The following FIP1L1 variants were observed in gnomAD, a reference collection of about 807,000 sequenced individuals.
FIP1L1 encodes the protein factor interacting with PAPOLA and CPSF1.
Under a neutral mutation model 84.6 loss-of-function variants are expected in FIP1L1, and 21 were observed. The ratio of observed to expected loss-of-function variants is 0.25; its 90% CI spans 0.18 to 0.36. The LOEUF is 0.36. Ranked by LOEUF, FIP1L1 falls within the 10% of genes least tolerant of loss-of-function variation. The pLI is 1.00. For synonymous variants in FIP1L1, 263 were observed against 242.3 expected, an observed-to-expected ratio of 1.09 and a Z score of -0.80; for missense variants, 526 against 751.1, an observed-to-expected ratio of 0.70 and a Z score of 3.50.
intron 16 of FIP1L1, among the ~76,000 whole-genome samples, chr4:53,454,664 C>A (rs1223576265): frequency 1.3e-5 from 2 of 152,058 alleles, no homozygotes; most frequent in Admixed American, 1.3e-4. Flanking sequence ...TACCATAATT[C>A]TAAGTCGATT....
chr4:53,383,763 G>C lies in FIP1L1; in HGVS notation c.229-10G>C, dbSNP rs1242829076. 7 of 1,597,674 alleles carry C rather than the reference G, an allele frequency of 4.4e-6. No homozygotes were observed. The highest frequency in any genetic ancestry group is 6.0e-6 in the Non-Finnish European group (7 of 1,168,872). On this transcript the variant is annotated splice_polypyrimidine_tract_variant and intron_variant, in intron 4 of 17. Coordinates refer to ENST00000337488, the MANE Select transcript of FIP1L1 (RefSeq NM_030917.4). The stretch of plus-strand genomic sequence containing the variant: ...TGAATGTATTTTATAATTTGTTTAT[G>C]TTCATGTAGAAAGTGACTGAGACCG...
chr4:53,390,375 A>G (rs1743604827), intron 6 of FIP1L1, 146 bp from the exon 7 acceptor site: 2 of 532,768 alleles, frequency 3.8e-6, no homozygotes, highest in Non-Finnish European at 6.5e-6. Context: ...GTTTTTTGCC[A>G]GGAATAGTAA....
In FIP1L1 at chr4:53,383,784, G is replaced by A. The variant is rs1739384771; in HGVS notation, c.240G>A (p.Glu80=). 6.2e-7 allele frequency: 1 copy of A among 1,609,282 alleles called. No homozygotes were observed. The highest frequency in any genetic ancestry group is 1.3e-5 in the African/African-American group (1 of 74,808). Residue 80 remains glutamate, a synonymous_variant, in exon 5 of 18, where the codon GAG becomes GAA. Transcript: ENST00000337488. ...ENGVPKPKVT[E]TEDDSDSDSD... ...TTATGTTCATGTAGAAAGTGACTGAGACCGAAGATGATAGTGATAGTGACA... is the reference window on the plus strand; with the variant it reads ...TTATGTTCATGTAGAAAGTGACTGAAACCGAAGATGATAGTGATAGTGACA...
chr4:53,439,949 A>G (rs1475462484), intron 13 of FIP1L1, among the ~76,000 whole-genome samples: 1 of 152,026 alleles, frequency 6.6e-6, no homozygotes, highest in Admixed American at 6.5e-5. Flanking sequence ...GAGTCACTCA[A>G]ATTAATATTT....
intron 5 of FIP1L1, among the ~76,000 whole-genome samples, chr4:53,385,059 CAG>C (rs1740198505): frequency 6.6e-6 from 1 of 152,044 alleles, no homozygotes; most frequent in Non-Finnish European, 1.5e-5. Flanking sequence ...TTTTAGGGAA[CAG>C]AGTAAAGAGG....
chr4:53,403,985 A>C (rs1751664470), intron 10 of FIP1L1, among the ~76,000 whole-genome samples: 1 of 147,690 alleles, frequency 6.8e-6, no homozygotes, highest in African/African-American at 2.5e-5. Flanking sequence ...TGAGCTGGTC[A>C]TCTCCAGTCA....
At chr4:53,432,030 AGAAG>A (rs939175730) in intron 13 of FIP1L1, among the ~76,000 whole-genome samples, 209 of 152,248 alleles carry the variant, frequency 1.4e-3, no homozygotes, top group African/African-American at 5.0e-3. Context: ...AATACAACAA[AGAAG>A]GAAGAGATGT....
Position 53,391,111 on chromosome 4 carries a change from C to T in FIP1L1, c.608C>T (p.Pro203Leu). ...ATACGAATGGGACTTGAAGTTATAC[C>T]AGTAACCTCTACTACAAATAAAATT... ...KRIRMGLEVI[P>L]VTSTTNKITA... is the part of the protein sequence containing the mutation. Residue 203 changes from proline to leucine, a missense_variant, in exon 8 of 18, where the codon CCA becomes CTA. Physicochemically the swap from Pro to Leu is moderately conservative, Grantham distance 98 (BLOSUM62 -3). Coordinates refer to ENST00000337488, the MANE Select transcript of FIP1L1 (RefSeq NM_030917.4). 1 of 1,609,718 alleles carries T rather than the reference C, an allele frequency of 6.2e-7. No homozygotes were observed. Among genetic ancestry groups the T allele is most frequent in the Non-Finnish European group, 8.5e-7 (1 of 1,178,496 alleles).
At chr4:53,413,594 T>C (rs1758135166) in intron 10 of FIP1L1, among the ~76,000 whole-genome samples, 1 of 152,136 alleles carries the variant, frequency 6.6e-6, no homozygotes, top group Admixed American at 6.6e-5. Context: ...TCAGAACTTT[T>C]ACTGTTATAA....
At chr4:53,383,944 A>G (rs767849409) in intron 5 of FIP1L1, 68 bp downstream of exon 5, 100 of 1,380,100 alleles carry the variant, frequency 7.2e-5, no homozygotes, top group Admixed American at 2.3e-4. Flanking sequence ...GCCTATATCA[A>G]ACTCTCAGTG....
chr4:53,384,417 GA>G (rs752560947), intron 5 of FIP1L1, among the ~76,000 whole-genome samples: 26 of 133,872 alleles, frequency 1.9e-4, no homozygotes, highest in East Asian at 8.7e-4. Flanking sequence ...TCGAGAAAAA[GA>G]AAAAAAAAAA....
intron 9 of FIP1L1, among the ~76,000 whole-genome samples, chr4:53,393,182 C>T (rs1745213033): frequency 6.6e-6 from 1 of 152,024 alleles, no homozygotes; most frequent in African/African-American, 2.4e-5. Context: ...GAACTGGCAG[C>T]AGGATGGGCT....
intron 13 of FIP1L1, among the ~76,000 whole-genome samples, chr4:53,442,019 G>C (rs1322938057): frequency 1.3e-5 from 2 of 151,876 alleles, no homozygotes; most frequent in Non-Finnish European, 2.9e-5. Flanking sequence ...ATTCCATTTA[G>C]GTATTGTGAA....
At chr4:53,449,556 A>G (rs1211862852) in intron 15 of FIP1L1, among the ~76,000 whole-genome samples, 1 of 152,184 alleles carries the variant, frequency 6.6e-6, no homozygotes, top group East Asian at 1.9e-4. Flanking sequence ...GTTTATATGT[A>G]TAATAAAATT....
At chr4:53,441,147 TTTTATTTATTTA>T (rs533161734) in intron 13 of FIP1L1, among the ~76,000 whole-genome samples, 1 of 151,714 alleles carries the variant, frequency 6.6e-6, no homozygotes, top group African/African-American at 2.4e-5. Flanking sequence ...TGGCCCAGTG[TTTTATTTATTTA>T]TTTATTTATT....
intron 10 of FIP1L1, among the ~76,000 whole-genome samples, chr4:53,407,079 C>G (rs1412910845): frequency 6.6e-6 from 1 of 152,166 alleles, no homozygotes; most frequent in South Asian, 2.1e-4. Context: ...TCTTGCTTCT[C>G]TAGTTCTTTT....
chr4:53,411,228 G>T (rs1054772121), intron 10 of FIP1L1, among the ~76,000 whole-genome samples: 5 of 152,094 alleles, frequency 3.3e-5, no homozygotes, highest in Non-Finnish European at 7.3e-5. Flanking sequence ...AAGAAGAGAT[G>T]GAGGGCAAAT....
chr4:53,410,240 T>G (rs1756476287), intron 10 of FIP1L1, among the ~76,000 whole-genome samples: 1 of 152,254 alleles, frequency 6.6e-6, no homozygotes, highest in African/African-American at 2.4e-5. Flanking sequence ...ATGATTTTTT[T>G]GATTTTCGGT....
intron 16 of FIP1L1, 77 bp from the exon 17 acceptor site, chr4:53,458,576 C>T: frequency 6.8e-7 from 1 of 1,465,274 alleles, no homozygotes; most frequent in East Asian, 2.3e-5. Flanking sequence ...GACTGCAGAT[C>T]ACATCTCTTT....
Sources: allele counts gnomAD v4.1 joint callset (sites outside exome capture counted in the v4.1 genomes callset), GRCh38; gene constraint gnomAD v4.1.1; transcripts MANE v1.5; gene names NCBI Gene and HGNC (gene_info 2026-07-23, HGNC 2026-07-21).